SHMT1: variants seen among roughly 807,000 people sequenced by gnomAD.
SHMT1 encodes serine hydroxymethyltransferase 1.
Under a neutral mutation model 49.0 loss-of-function variants are expected in SHMT1, and 45 were observed. That is an observed-to-expected ratio of 0.92 (90% CI 0.72 to 1.18). The LOEUF is 1.18. SHMT1 is among the 50% of genes most tolerant of loss of function. SHMT1 has a pLI of 0.00. For missense variants in SHMT1, 541 were observed against 612.4 expected (o/e 0.88, Z 1.23); for synonymous variants, 232 against 246.6 (o/e 0.94, Z 0.55).
At chr17:18,348,725 A>C in intron 3 of SHMT1, 1 of 542,850 alleles carries the variant, frequency 1.8e-6, no homozygotes, top group Non-Finnish European at 3.6e-6. Flanking sequence ...CTATAATCCC[A>C]GCACTTTGAG....
chr17:18,330,512 C>A, intron 10 of SHMT1, 43 bp downstream of exon 10: 1 of 1,337,736 alleles, frequency 7.5e-7, no homozygotes, highest in Non-Finnish European at 1.1e-6. Flanking sequence ...AGAAGAAATG[C>A]AGATGGGAGA....
chr17:18,348,216 G>A (rs1430224144), intron 4 of SHMT1, 109 bp downstream of exon 4: 5 of 809,044 alleles, frequency 6.2e-6, no homozygotes, highest in Admixed American at 2.0e-5. Flanking sequence ...CACTGGGCCC[G>A]GCCTATGGCA....
At chr17:18,360,733 A>G (rs996468496) in intron 1 of SHMT1, among the ~76,000 whole-genome samples, 2 of 152,128 alleles carry the variant, frequency 1.3e-5, no homozygotes, top group Admixed American at 6.6e-5. Flanking sequence ...GAGCACCCCA[A>G]GTTCAAAGGC....
chr17:18,341,188 G>A, intron 5 of SHMT1: 1 of 262,964 alleles, frequency 3.8e-6, no homozygotes, highest in East Asian at 9.0e-5. Flanking sequence ...AGTATAATGA[G>A]GCAAGAAAAA....
In SHMT1 at chr17:18,330,646, A is replaced by G. The variant is rs1386880964; in HGVS notation, c.1080T>C (p.Leu360=). ...CTGTGCCTTTGGAACGGAGATCCACAAGGATCAAATGGTTGTCAGAACCAC... is the reference window on the plus strand; with the variant it reads ...CTGTGCCTTTGGAACGGAGATCCACGAGGATCAAATGGTTGTCAGAACCAC... ...VTGGSDNHLI[L]VDLRSKGTDG... The change falls in exon 10 of 12, where the codon CTT becomes CTC. Residue 360 remains leucine, a synonymous_variant. Transcript: ENST00000316694. 3.7e-6 allele frequency: 6 copies of G among 1,613,968 alleles called. No individual in the cohort carries two copies. Among genetic ancestry groups the G allele is most frequent in the Non-Finnish European group, 4.2e-6 (5 of 1,179,918 alleles).
chr17:18,358,645 T>C (rs1166751996), intron 1 of SHMT1, among the ~76,000 whole-genome samples: 5 of 152,188 alleles, frequency 3.3e-5, no homozygotes, highest in African/African-American at 1.2e-4. Flanking sequence ...TTCATGCCTG[T>C]AATTCCAGCA....
At chr17:18,357,100 T>C (rs1327621988) in intron 1 of SHMT1, among the ~76,000 whole-genome samples, 3 of 151,680 alleles carry the variant, frequency 2.0e-5, no homozygotes, top group African/African-American at 7.3e-5. Flanking sequence ...GCCAACCTGG[T>C]GAAACCCCAT....
chr17:18,360,962 G>T (rs1419277117), intron 1 of SHMT1, among the ~76,000 whole-genome samples: 1 of 152,054 alleles, frequency 6.6e-6, no homozygotes, highest in East Asian at 1.9e-4. Flanking sequence ...TTGAGGTCAG[G>T]AGTTTGAGAC....
Position 18,340,104 on chromosome 17 carries a change from C to G in SHMT1, c.753G>C (p.Val251=), listed in dbSNP as rs141575508. ...VPSPFEHCHV[V]TTTTHKTLRG... ...GCAGGGTCTTGTGAGTGGTGGTGGTCACCACATGGCAGTGTTCAAATGGGG... is the reference window on the plus strand; with the variant it reads ...GCAGGGTCTTGTGAGTGGTGGTGGTGACCACATGGCAGTGTTCAAATGGGG... Residue 251 remains valine (V), a synonymous_variant, in exon 7 of 12, where the codon GTG becomes GTC. Transcript: ENST00000316694. The surrounding 1 kb of genome is among the most constrained non-coding windows in gnomAD (Gnocchi z 4.5). The G allele has an allele frequency of 1.8e-3, 2,979 of 1,614,126 alleles. 11 individuals carry two copies. The Middle Eastern group carries it at 0.02, about 11-fold the overall frequency.
In SHMT1 at chr17:18,340,638, TG is replaced by T; in HGVS notation, c.601+93del. ...AGTTATCCAGGGCAGAAACTAGCAG[TG>T]GGCTCAACAGGGTGCGAACATCTTT... On this transcript the variant is annotated intron_variant, in intron 6 of 11. Coordinates refer to ENST00000316694, the MANE Select transcript of SHMT1 (RefSeq NM_004169.5). This position sits in a 1 kb window ranked among gnomAD's most constrained non-coding sequence, Gnocchi z 4.5. The T allele has an allele frequency of 9.1e-7, 1 of 1,094,504 alleles. No individual in the cohort carries two copies. The highest frequency in any genetic ancestry group is 1.4e-6 in the Non-Finnish European group (1 of 730,192). 67.8% of individuals were successfully genotyped at this position (1,094,504 alleles called of 1,614,324 possible). A position where few individuals can be genotyped will look rare whatever the true frequency, so the allele number is the denominator to read the frequency against.
At chr17:18,348,512 G>T (rs1189010750) in intron 3 of SHMT1, 72 bp from the exon 4 acceptor site, 4 of 1,080,692 alleles carry the variant, frequency 3.7e-6, no homozygotes. Flanking sequence ...GGCCAAAGAA[G>T]CTTAGGGGTG....
chr17:18,359,069 C>G (rs1346335119), intron 1 of SHMT1, among the ~76,000 whole-genome samples: 2 of 150,016 alleles, frequency 1.3e-5, no homozygotes, highest in Non-Finnish European at 3.0e-5. Context: ...GCCTGGCCAA[C>G]ATGACTAAAA....
chr17:18,353,979 G>C (rs753624636), intron 2 of SHMT1, among the ~76,000 whole-genome samples, 162 bp from the exon 3 acceptor site: 5 of 152,162 alleles, frequency 3.3e-5, no homozygotes, highest in Non-Finnish European at 7.4e-5. Flanking sequence ...ACTAATCAAT[G>C]AATTAACAAA....
intron 3 of SHMT1, 152 bp downstream of exon 3, chr17:18,353,520 A>G (rs1985924808): frequency 1.2e-6 from 1 of 840,136 alleles, no homozygotes; most frequent in African/African-American, 1.7e-5. Context: ...TGCTGGGAAT[A>G]AAAGAGTTCT....
chr17:18,336,010 G>A (rs1182203462), intron 7 of SHMT1, among the ~76,000 whole-genome samples: 2 of 152,190 alleles, frequency 1.3e-5, no homozygotes, highest in Admixed American at 6.5e-5. Context: ...TGGACGCGGT[G>A]GCTCACACCT....
chr17:18,338,941 CAG>C (rs1380678491), intron 7 of SHMT1, among the ~76,000 whole-genome samples: 2 of 149,958 alleles, frequency 1.3e-5, no homozygotes, highest in Non-Finnish European at 2.9e-5. Flanking sequence ...CTAGGAAAAC[CAG>C]AGACCCTTGT....
intron 5 of SHMT1, among the ~76,000 whole-genome samples, chr17:18,343,608 CAAAAAAAA>C (rs761435848): frequency 2.2e-5 from 1 of 46,052 alleles, no homozygotes; most frequent in Non-Finnish European, 3.8e-5. Context: ...AACTTTGTCT[CAAAAAAAA>C]AAAAAAAAAA....
intron 1 of SHMT1, among the ~76,000 whole-genome samples, chr17:18,362,217 T>TC (rs1986838968): frequency 6.6e-6 from 1 of 152,256 alleles, no homozygotes; most frequent in Admixed American, 6.5e-5. Flanking sequence ...CAAGGCCTTG[T>TC]CCCAGGACAT....
chr17:18,359,442 G>A (rs778721803), intron 1 of SHMT1, among the ~76,000 whole-genome samples: 1 of 152,072 alleles, frequency 6.6e-6, no homozygotes, highest in Non-Finnish European at 1.5e-5. Flanking sequence ...GGAAGGCTGA[G>A]GTGGGCAGAT....
Sources: gnomAD v4.1 joint callset for allele counts (sites outside exome capture counted in the v4.1 genomes callset) on GRCh38, gnomAD v4.1.1 for gene constraint, Gnocchi (gnomAD v3.1) non-coding constraint, MANE v1.5 for transcripts, NCBI Gene and HGNC (gene_info 2026-07-23, HGNC 2026-07-21) for gene names.